The following ESRRG variants were observed in gnomAD, a reference collection of about 807,000 sequenced individuals.
ESRRG encodes estrogen related receptor gamma.
ESRRG carries 13 observed loss-of-function variants against 44.0 expected under a neutral mutation model. That is an observed-to-expected ratio of 0.30 (90% confidence interval 0.19 to 0.47). The LOEUF is 0.47. Among genes scored for constraint, ESRRG ranks in the 20% least tolerant of loss-of-function variants. The probability of loss-of-function intolerance (pLI) is 1.00; values close to 1 mark genes in which losing one functional copy is unlikely to be tolerated. For missense variants in ESRRG, 395 were observed against 580.6 expected (o/e 0.68, Z 3.29); for synonymous variants, 215 against 214.6 (o/e 1.00, Z -0.02).
intron 2 of ESRRG, among the ~76,000 whole-genome samples, chr1:216,802,965 C>T (rs1024597660): frequency 6.6e-6 from 1 of 152,070 alleles, no homozygotes; most frequent in Non-Finnish European, 1.5e-5. Context: ...AGTGCTCAAT[C>T]GTCTTTTGGT....
intron 1 of ESRRG, among the ~76,000 whole-genome samples, chr1:217,042,514 A>ACACACT (rs1491028560): frequency 7.0e-6 from 1 of 142,220 alleles, no homozygotes; most frequent in Admixed American, 7.0e-5. Context: ...ACACACACAC[A>ACACACT]CTGCATGTGC....
At chr1:216,835,608 G>A (rs1018168345) in intron 2 of ESRRG, among the ~76,000 whole-genome samples, 4 of 152,142 alleles carry the variant, frequency 2.6e-5, no homozygotes, top group Admixed American at 2.0e-4. Context: ...TTTAACAACC[G>A]GAAAGGTTGG....
intron 3 of ESRRG, among the ~76,000 whole-genome samples, chr1:216,628,060 T>G (rs1208605719): frequency 6.6e-6 from 1 of 152,190 alleles, no homozygotes; most frequent in African/African-American, 2.4e-5. Context: ...TGTACTTTCT[T>G]CAGATGTATC....
intron 3 of ESRRG, among the ~76,000 whole-genome samples, chr1:216,620,458 A>G (rs1347695024): frequency 1.3e-5 from 2 of 152,190 alleles, no homozygotes; most frequent in Non-Finnish European, 2.9e-5. Flanking sequence ...CCACTCATTT[A>G]TTCCATTGTT....
intron 3 of ESRRG, among the ~76,000 whole-genome samples, chr1:216,580,890 G>A (rs148634683): frequency 2.0e-5 from 3 of 152,160 alleles, no homozygotes; most frequent in East Asian, 3.9e-4. Flanking sequence ...TTCCCCTCAC[G>A]CTGACCTTGG....
At chr1:216,918,706 T>C (rs183721814) in intron 2 of ESRRG, among the ~76,000 whole-genome samples, 2 of 151,918 alleles carry the variant, frequency 1.3e-5, no homozygotes, top group Non-Finnish European at 2.9e-5. Flanking sequence ...GTTAAAATTT[T>C]AAAATATTTA....
intron 3 of ESRRG, among the ~76,000 whole-genome samples, chr1:216,599,826 A>G (rs2150126898): frequency 6.6e-6 from 1 of 151,786 alleles, no homozygotes; most frequent in Non-Finnish European, 1.5e-5. Flanking sequence ...TTAACAGGAA[A>G]AAAAAAAAAA....
At chr1:216,542,072 C>CAGAGAG (rs3040899) in intron 5 of ESRRG, among the ~76,000 whole-genome samples, 2,740 of 139,894 alleles carry the variant, frequency 0.02, 36 homozygotes, top group African/African-American at 0.025. Flanking sequence ...GTGTCTATGA[C>CAGAGAG]AGAGAGAGAG....
At chr1:216,860,332 TTATAAC>T (rs900561158) in intron 2 of ESRRG, among the ~76,000 whole-genome samples, 1 of 152,082 alleles carries the variant, frequency 6.6e-6, no homozygotes, top group Non-Finnish European at 1.5e-5. Flanking sequence ...AAAACAATTA[TTATAAC>T]TATATTTTAT....
chr1:216,671,802 G>A (rs1290202517), intron 2 of ESRRG, among the ~76,000 whole-genome samples: 2 of 151,908 alleles, frequency 1.3e-5, no homozygotes, highest in African/African-American at 2.4e-5. Context: ...GAGTTAGAAT[G>A]GCTATATTAT....
chr1:217,106,341 G>T, intron 1 of ESRRG, among the ~76,000 whole-genome samples: 1 of 151,772 alleles, frequency 6.6e-6, no homozygotes, highest in East Asian at 1.9e-4. Context: ...CACCATTCGG[G>T]AAGCCCCTCG....
chr1:216,781,151 A>G (rs867852811), intron 2 of ESRRG, among the ~76,000 whole-genome samples: 11 of 152,010 alleles, frequency 7.2e-5, no homozygotes, highest in African/African-American at 2.7e-4. Flanking sequence ...GATAGTATAT[A>G]TTACTATTTT....
intron 5 of ESRRG, among the ~76,000 whole-genome samples, chr1:216,525,778 G>C (rs1202823922): frequency 1.3e-5 from 2 of 152,104 alleles, no homozygotes; most frequent in African/African-American, 4.8e-5. Flanking sequence ...AAAGAAAAAG[G>C]ATCTATGCTT....
chr1:216,811,407 T>C (rs1043797711), intron 2 of ESRRG, among the ~76,000 whole-genome samples: 1 of 152,194 alleles, frequency 6.6e-6, no homozygotes, highest in African/African-American at 2.4e-5. Context: ...TGACTTCTGA[T>C]TTTAGGGAAA....
At chr1:216,515,234 A>AAT (rs1045386505) in intron 6 of ESRRG, among the ~76,000 whole-genome samples, 4 of 151,882 alleles carry the variant, frequency 2.6e-5, no homozygotes, top group Admixed American at 6.6e-5. Context: ...TATATAATAT[A>AAT]ATATATATAT....
chr1:216,690,831 C>A (rs572532482), intron 1 of ESRRG, among the ~76,000 whole-genome samples: 1 of 152,098 alleles, frequency 6.6e-6, no homozygotes, highest in Non-Finnish European at 1.5e-5. Flanking sequence ...AGTTCAAAGT[C>A]CAGATTTCCA....
chr1:216,581,701 C>G (rs1181111452), intron 3 of ESRRG, among the ~76,000 whole-genome samples: 1 of 152,056 alleles, frequency 6.6e-6, no homozygotes, highest in East Asian at 1.9e-4. Flanking sequence ...AGAGCATTTA[C>G]CCCCAAAGGA....
intron 3 of ESRRG, among the ~76,000 whole-genome samples, chr1:216,620,586 T>C (rs564543023): frequency 6.6e-6 from 1 of 152,312 alleles, no homozygotes; most frequent in East Asian, 1.9e-4. Context: ...GCTGGAGTCA[T>C]TGACTAATAT....
rs114143300 is a variant in ESRRG at position 216,639,354 on chromosome 1, C to G, written c.589+11619G>C. Among the ~76,000 whole-genome samples, 495 of 152,158 alleles carry G rather than the reference C, an allele frequency of 3.3e-3. 3 individuals are homozygous for G. Among genetic ancestry groups the G allele is most frequent in the African/African-American group, 9.4e-3 (390 of 41,516 alleles). On this transcript the variant is annotated intron_variant, in intron 3 of 6. Transcript: ENST00000408911. ...GCTCCAAAACTTCTGTGTGCAGAAGCCTGGTTGGGGGATATTAATTGGACA... is the reference window on the plus strand; with the variant it reads ...GCTCCAAAACTTCTGTGTGCAGAAGGCTGGTTGGGGGATATTAATTGGACA...
Sources: allele counts gnomAD v4.1 joint callset (sites outside exome capture counted in the v4.1 genomes callset), GRCh38; gene constraint gnomAD v4.1.1; transcripts MANE v1.5; gene names NCBI Gene and HGNC (gene_info 2026-07-23, HGNC 2026-07-21).